PDK1: variants seen among roughly 807,000 people sequenced by gnomAD.
PDK1 encodes [Pyruvate dehydrogenase (acetyl-transferring)] kinase isozyme 1, mitochondrial.
Under a neutral mutation model 54.2 loss-of-function variants are expected in PDK1, and 39 were observed. The observed-to-expected ratio is 0.72, with a 90% CI of 0.56 to 0.94. PDK1 has a LOEUF of 0.94. Ranked by LOEUF, PDK1 falls within the 40% of genes least tolerant of loss-of-function variation. The probability of loss-of-function intolerance (pLI) is 0.00; values close to 1 mark genes in which losing one functional copy is unlikely to be tolerated. For synonymous variants in PDK1, 221 were observed against 207.1 expected (o/e 1.07, Z -0.58); for missense variants, 552 against 566.0 (o/e 0.98, Z 0.25).
chr2:172,703,944 T>C, the PDK1 span, among the ~76,000 whole-genome samples: 1 of 151,776 alleles, frequency 6.6e-6, no homozygotes, highest in Non-Finnish European at 1.5e-5. Flanking sequence ...GGCTAATTTT[T>C]TGTATTTTTA....
Position 172,564,681 on chromosome 2 carries a change from C to G in PDK1, c.589C>G (p.Gln197Glu), listed in dbSNP as rs2149209671. Residue 197 changes from glutamine (Q) to glutamate (E), a missense_variant, in exon 4 of 11, where the codon CAG becomes GAG. Coordinates refer to ENST00000282077, the MANE Select transcript of PDK1 (RefSeq NM_002610.5). Reference sequence around the variant, plus strand: ...CATTTCAATTAGAATGTTACTCAATCAGCACTGTAAGTGTCCCTCATGAGT... The same window carrying G: ...CATTTCAATTAGAATGTTACTCAATGAGCACTGTAAGTGTCCCTCATGAGT... ...SRISIRMLLNQHSLLFGGKGK... is the reference protein window; with the variant it reads ...SRISIRMLLNEHSLLFGGKGK... 6.2e-7 allele frequency: 1 copy of G among 1,612,378 alleles called. No individual in the cohort carries two copies. Among genetic ancestry groups the G allele is most frequent in the Non-Finnish European group, 8.5e-7 (1 of 1,178,490 alleles).
chr2:172,660,376 C>CTA, the PDK1 span, among the ~76,000 whole-genome samples: 3 of 150,116 alleles, frequency 2.0e-5, no homozygotes, highest in African/African-American at 7.4e-5. Context: ...CCTGCCTCAG[C>CTA]CTCCCTAGTA....
downstream of PDK1, among the ~76,000 whole-genome samples, chr2:172,611,675 T>A (rs1315514851): frequency 2.0e-5 from 3 of 152,218 alleles, no homozygotes; most frequent in African/African-American, 4.8e-5. Context: ...AATCCAATAA[T>A]GTATAACAAG....
chr2:172,715,700 T>A, the PDK1 span, among the ~76,000 whole-genome samples: 1 of 151,982 alleles, frequency 6.6e-6, no homozygotes, highest in African/African-American at 2.4e-5. Context: ...CACCTTTGAG[T>A]GAAAGTTTAT....
the PDK1 span, among the ~76,000 whole-genome samples, chr2:172,658,412 G>A: frequency 1.3e-5 from 2 of 152,156 alleles, no homozygotes; most frequent in African/African-American, 2.4e-5. Context: ...CAGGATCACT[G>A]TGATGATTGT....
At chr2:172,567,424 G>A (rs1339011021) in intron 6 of PDK1, among the ~76,000 whole-genome samples, 3 of 152,186 alleles carry the variant, frequency 2.0e-5, no homozygotes, top group Non-Finnish European at 2.9e-5. Context: ...TGGACAAAAA[G>A]GGTTTAGATG....
chr2:172,675,331 A>G, the PDK1 span, among the ~76,000 whole-genome samples: 1 of 152,236 alleles, frequency 6.6e-6, no homozygotes, highest in Non-Finnish European at 1.5e-5. Context: ...GGCATGTTGG[A>G]AGCCAAGATT....
chr2:172,610,578 A>T (rs1306063929), downstream of PDK1, among the ~76,000 whole-genome samples: 1 of 152,068 alleles, frequency 6.6e-6, no homozygotes, highest in Non-Finnish European at 1.5e-5. Flanking sequence ...TATCAGTGTA[A>T]TCAATTTCCT....
chr2:172,699,357 C>T, the PDK1 span, among the ~76,000 whole-genome samples: 3 of 152,172 alleles, frequency 2.0e-5, no homozygotes, highest in Non-Finnish European at 4.4e-5. Context: ...AGCTTCTCAG[C>T]GAAGCTGAGC....
At chr2:172,594,173 GATT>G (rs2149298777) in intron 10 of PDK1, among the ~76,000 whole-genome samples, 1 of 152,058 alleles carries the variant, frequency 6.6e-6, no homozygotes, top group South Asian at 2.1e-4. Context: ...GAATAGCTGG[GATT>G]ACAGGCGCCT....
At chr2:172,712,680 A>T in the PDK1 span, among the ~76,000 whole-genome samples, 15 of 152,172 alleles carry the variant, frequency 9.9e-5, no homozygotes, top group African/African-American at 2.7e-4. Context: ...CAGAGCCCCA[A>T]AGAGGGTGTC....
the PDK1 span, among the ~76,000 whole-genome samples, chr2:172,644,111 G>T: frequency 1.3e-5 from 2 of 151,966 alleles, no homozygotes; most frequent in Non-Finnish European, 2.9e-5. Context: ...ATGCCCCGAG[G>T]GCATGAGGAG....
the PDK1 span, among the ~76,000 whole-genome samples, chr2:172,681,751 A>G: frequency 2.0e-5 from 3 of 152,032 alleles, no homozygotes; most frequent in Admixed American, 2.0e-4. Flanking sequence ...GGGAATTGCA[A>G]TTTTATCTAT....
At chr2:172,613,243 G>T (rs1691518070), downstream of PDK1, among the ~76,000 whole-genome samples, 1 of 152,172 alleles carries the variant, frequency 6.6e-6, no homozygotes, top group Non-Finnish European at 1.5e-5. Flanking sequence ...CATTGGCAGG[G>T]ACTTCCCTAG....
At chr2:172,629,126 G>A in the PDK1 span, among the ~76,000 whole-genome samples, 1 of 151,740 alleles carries the variant, frequency 6.6e-6, no homozygotes, top group African/African-American at 2.4e-5. Flanking sequence ...GCAAGACCCC[G>A]GCTCAAAAAA....
chr2:172,656,482 G>T, the PDK1 span, among the ~76,000 whole-genome samples: 1 of 152,152 alleles, frequency 6.6e-6, no homozygotes, highest in African/African-American at 2.4e-5. Flanking sequence ...TAGAGGATTG[G>T]AGTTGAGTAT....
intron 10 of PDK1, 93 bp downstream of exon 10, chr2:172,593,141 G>C: frequency 1.6e-6 from 1 of 639,000 alleles, no homozygotes; most frequent in Non-Finnish European, 2.7e-6. Flanking sequence ...TCTACCACAT[G>C]CTGTTTAAAT....
At chr2:172,666,657 G>A in the PDK1 span, among the ~76,000 whole-genome samples, 1 of 152,144 alleles carries the variant, frequency 6.6e-6, no homozygotes, top group Non-Finnish European at 1.5e-5. Context: ...GGTGACTCAG[G>A]GTGACTAAGA....
chr2:172,622,034 CG>C, the PDK1 span, among the ~76,000 whole-genome samples: 1 of 141,478 alleles, frequency 7.1e-6, no homozygotes, highest in African/African-American at 2.6e-5. Flanking sequence ...CTCGTATATA[CG>C]TTTATATCTC....
Sources: allele counts gnomAD v4.1 joint callset (sites outside exome capture counted in the v4.1 genomes callset), GRCh38; gene constraint gnomAD v4.1.1; transcripts MANE v1.5; gene names NCBI Gene and HGNC (gene_info 2026-07-23, HGNC 2026-07-21).